The following DENND1A variants were observed in gnomAD, a reference collection of about 807,000 sequenced individuals.
DENND1A encodes DENN domain containing 1A, also known as DENN domain-containing protein 1A.
Under a neutral mutation model 113.7 loss-of-function variants are expected in DENND1A, and 51 were observed. That is an observed-to-expected ratio of 0.45 (90% CI 0.36 to 0.57). The LOEUF is 0.57. Among genes scored for constraint, DENND1A ranks in the 20% least tolerant of loss-of-function variants. DENND1A has a pLI of 0.00. For missense variants in DENND1A, 1,258 were observed against 1,395.9 expected, an observed-to-expected ratio of 0.90 and a Z score of 1.57; for synonymous variants, 565 against 570.8, an observed-to-expected ratio of 0.99 and a Z score of 0.14.
At chr9:123,588,639 G>C (rs907680948) in intron 11 of DENND1A, among the ~76,000 whole-genome samples, 1 of 132,596 alleles carries the variant, frequency 7.5e-6, no homozygotes, top group Non-Finnish European at 1.6e-5. Flanking sequence ...AAAAAGGGGG[G>C]GGGGGAAGAG....
intron 19 of DENND1A, among the ~76,000 whole-genome samples, chr9:123,417,444 A>T (rs540382599): frequency 6.6e-6 from 1 of 152,342 alleles, no homozygotes; most frequent in South Asian, 2.1e-4. Flanking sequence ...GAGAAGGATT[A>T]TTTCCCTGTT....
intron 5 of DENND1A, among the ~76,000 whole-genome samples, chr9:123,712,081 T>A (rs1037070935): frequency 6.6e-6 from 1 of 152,192 alleles, no homozygotes; most frequent in Admixed American, 6.5e-5. Flanking sequence ...TAGGGAAAAA[T>A]TCCACACAAA....
At chr9:123,571,155 C>T (rs181757571) in intron 12 of DENND1A, among the ~76,000 whole-genome samples, 1 of 152,052 alleles carries the variant, frequency 6.6e-6, no homozygotes, top group South Asian at 2.1e-4. Context: ...GCATCTAGCA[C>T]AAAGCCGAGC....
intron 13 of DENND1A, among the ~76,000 whole-genome samples, chr9:123,495,921 T>C (rs2051875678): frequency 6.6e-6 from 1 of 152,250 alleles, no homozygotes; most frequent in Non-Finnish European, 1.5e-5. Flanking sequence ...CTTAATGTTG[T>C]CCGCTCAAAT....
intron 13 of DENND1A, among the ~76,000 whole-genome samples, chr9:123,499,675 C>T (rs373681490): frequency 3.9e-5 from 6 of 152,208 alleles, no homozygotes; most frequent in African/African-American, 1.4e-4. Flanking sequence ...ACACACTTCA[C>T]CACCATCTTC....
intron 5 of DENND1A, among the ~76,000 whole-genome samples, chr9:123,734,354 C>CT (rs1179263138): frequency 6.6e-6 from 1 of 152,010 alleles, no homozygotes; most frequent in African/African-American, 2.4e-5. Context: ...ATTTAACTTT[C>CT]TTTATCAGAG....
chr9:123,829,024 A>T (rs1228770209), intron 2 of DENND1A, among the ~76,000 whole-genome samples: 1 of 152,228 alleles, frequency 6.6e-6, no homozygotes, highest in Non-Finnish European at 1.5e-5. Flanking sequence ...AGGCAAGATT[A>T]GGCCACAAAT....
At chr9:123,831,855 T>C (rs1051736269) in intron 2 of DENND1A, among the ~76,000 whole-genome samples, 2 of 151,948 alleles carry the variant, frequency 1.3e-5, no homozygotes, top group East Asian at 3.9e-4. Flanking sequence ...TGGTGGTGAG[T>C]GCCTGTAATC....
chr9:123,534,010 G>A (rs530722650), intron 13 of DENND1A, among the ~76,000 whole-genome samples: 5 of 152,244 alleles, frequency 3.3e-5, no homozygotes, highest in Admixed American at 3.3e-4. Context: ...ACAAGATTTG[G>A]AAATTATTAA....
rs748993355 is a variant in DENND1A, at chr9:123,381,679, C to T, written c.2966G>A (p.Arg989His). 10 of 1,588,998 alleles carry T rather than the reference C, an allele frequency of 6.3e-6. No individual in the cohort carries two copies. The East Asian group carries it at 6.9e-5, about 11-fold the overall frequency. Residue 989 changes from arginine (R) to histidine (H), a missense_variant, in exon 24 of 24, where the codon CGC (arginine) becomes CAC (histidine). This residue lies in a region of DENND1A where 1,159 missense variants were observed against 1,231.7 expected (regional missense o/e 0.94). Transcript: ENST00000394215. The surrounding 1 kb of genome is among the most constrained non-coding windows in gnomAD (Gnocchi z 4.7). ...PSRIRTLPLA[R>H]SSARAAETKQ... ...GGTCTCAGCAGCCCTGGCACTTGAG[C>T]GGGCCAGGGGCAACGTTCGGATCCT...
chr9:123,737,246 G>A (rs1256484111), intron 5 of DENND1A, among the ~76,000 whole-genome samples: 1 of 152,150 alleles, frequency 6.6e-6, no homozygotes, highest in Non-Finnish European at 1.5e-5. Context: ...CCACACTGGA[G>A]TGCAGTGGTG....
At chr9:123,798,194 G>A (rs1328482181) in intron 2 of DENND1A, 1 of 152,130 alleles carries the variant, frequency 6.6e-6, no homozygotes. Flanking sequence ...CATAGGAACA[G>A]TTAACCATCA....
At chr9:123,602,981 T>C (rs569413826) in intron 11 of DENND1A, among the ~76,000 whole-genome samples, 8 of 152,374 alleles carry the variant, frequency 5.3e-5, no homozygotes, top group African/African-American at 1.4e-4. Context: ...AGGACACATA[T>C]ACAAGTCACC....
intron 13 of DENND1A, among the ~76,000 whole-genome samples, chr9:123,489,023 C>T (rs2051130735): frequency 6.6e-6 from 1 of 152,144 alleles, no homozygotes; most frequent in East Asian, 1.9e-4. Context: ...ATAAAGATTT[C>T]CCCTCTGCCC....
At chr9:123,769,689 A>G in intron 3 of DENND1A, 126 bp from the exon 4 acceptor site, 1 of 645,148 alleles carries the variant, frequency 1.6e-6, no homozygotes, top group Non-Finnish European at 2.5e-6. Flanking sequence ...TATGGGCTTT[A>G]TCAATTACAT....
At chr9:123,623,597 G>A (rs1202399345) in intron 10 of DENND1A, among the ~76,000 whole-genome samples, 1 of 152,180 alleles carries the variant, frequency 6.6e-6, no homozygotes, top group Non-Finnish European at 1.5e-5. Context: ...CAGCCCATTT[G>A]TACTAAACTG....
chr9:123,639,159 C>T (rs371544533), intron 9 of DENND1A, among the ~76,000 whole-genome samples: 12 of 151,314 alleles, frequency 7.9e-5, no homozygotes, highest in South Asian at 2.1e-4. Context: ...GACTGTAGGC[C>T]GCAGGTGGTA....
chr9:123,769,415 G>A (rs1829362105), intron 4 of DENND1A, 99 bp downstream of exon 4: 8 of 1,102,692 alleles, frequency 7.3e-6, no homozygotes, highest in Non-Finnish European at 8.9e-6. Flanking sequence ...CTTAAATCAT[G>A]GTTAAACAGA....
At chr9:123,895,392 G>A (rs1023297919) in intron 1 of DENND1A, among the ~76,000 whole-genome samples, 2 of 152,038 alleles carry the variant, frequency 1.3e-5, no homozygotes, top group East Asian at 1.9e-4. Flanking sequence ...AGGCCAAGGC[G>A]GGTGGATCAC....
Sources: allele counts gnomAD v4.1 joint callset (sites outside exome capture counted in the v4.1 genomes callset), GRCh38; gene constraint gnomAD v4.1.1; regional missense constraint gnomAD v4.1.1; non-coding constraint Gnocchi (gnomAD v3.1); transcripts MANE v1.5; gene names NCBI Gene and HGNC (gene_info 2026-07-23, HGNC 2026-07-21).